Variants in GORASP2 observed in about 807,000 individuals in gnomAD.
GORASP2 encodes golgi reassembly stacking protein 2.
Under a neutral mutation model 45.7 loss-of-function variants are expected in GORASP2, and 22 were observed. The ratio of observed to expected loss-of-function variants is 0.48; its 90% CI spans 0.34 to 0.69. The LOEUF (loss-of-function observed/expected upper bound fraction) is 0.69, where lower values mean the gene tolerates loss of function less well. GORASP2 is among the 30% of genes least tolerant of loss of function. GORASP2 has a pLI of 0.01. For synonymous variants in GORASP2, 221 were observed against 215.6 expected (o/e 1.02, Z -0.22); for missense variants, 491 against 562.7 (o/e 0.87, Z 1.29).
chr2:170,954,804 A>C lies in GORASP2; in HGVS notation c.699+22A>C, dbSNP rs755303761. 3 of 1,591,218 alleles carry C rather than the reference A, an allele frequency of 1.9e-6. No homozygotes were observed. The Admixed American group carries it at 5.2e-5, about 28-fold the overall frequency. ...AGAGGTAAGATCACGTTCCTACCTG[A>C]GTATATCATAAAGTTTTTACCAAAA... On this transcript the variant is annotated intron_variant, in intron 6 of 9. Transcript: ENST00000234160.
chr2:170,932,451 G>A (rs1279230404), intron 1 of GORASP2, among the ~76,000 whole-genome samples: 7 of 152,246 alleles, frequency 4.6e-5, no homozygotes, highest in Admixed American at 3.9e-4. Context: ...TGAACATTTG[G>A]TTATCTAGTC....
In GORASP2 at chr2:170,962,833, CTT is replaced by C. The variant is rs747361234; in HGVS notation, c.911-5_911-4del. 1.6e-5 allele frequency: 26 copies of C among 1,595,516 alleles called. No individual in the cohort carries two copies. The East Asian group carries it at 2.2e-4, about 14-fold the overall frequency. On this transcript the variant is annotated splice_polypyrimidine_tract_variant and splice_region_variant and intron_variant, in intron 8 of 9. Coordinates refer to ENST00000234160, the MANE Select transcript of GORASP2 (RefSeq NM_015530.5). ...TCTCTTTTTTTCTTTTCTGCCTTCT[CTT>C]CAGGTCTGATGCCTTTACCAGCAGG... is the stretch of plus-strand genomic sequence containing the variant.
At chr2:170,929,567 T>C in intron 1 of GORASP2, 164 bp downstream of exon 1, 1 of 602,052 alleles carries the variant, frequency 1.7e-6, no homozygotes, top group South Asian at 2.2e-5. Context: ...CGGAGGCCGC[T>C]CGCATCCCAC....
chr2:170,942,096 A>G (rs1226535794), intron 1 of GORASP2, among the ~76,000 whole-genome samples: 1 of 152,206 alleles, frequency 6.6e-6, no homozygotes, highest in Non-Finnish European at 1.5e-5. Flanking sequence ...CTTGATGACC[A>G]TTGAAGTTGA....
At chr2:170,956,344 T>C in intron 6 of GORASP2, 92 bp from the exon 7 acceptor site, 3 of 1,141,684 alleles carry the variant, frequency 2.6e-6, no homozygotes, top group Non-Finnish European at 3.7e-6. Flanking sequence ...GTGAACCAAA[T>C]ATCTATCTGC....
intron 1 of GORASP2, among the ~76,000 whole-genome samples, chr2:170,939,110 A>G (rs71415231): frequency 0.21 from 31,321 of 152,220 alleles, 3,895 homozygotes; most frequent in Non-Finnish European, 0.29. Flanking sequence ...ATGAGTTCAG[A>G]AGTTGTCAGA....
At chr2:170,936,685 G>A (rs1184546703) in intron 1 of GORASP2, 1 of 1,276,850 alleles carries the variant, frequency 7.8e-7, no homozygotes. Context: ...CGGGCATAAT[G>A]GTGTGCACCT....
At chr2:170,964,238 C>G (rs1056922331) in intron 9 of GORASP2, among the ~76,000 whole-genome samples, 2 of 152,226 alleles carry the variant, frequency 1.3e-5, no homozygotes, top group African/African-American at 4.8e-5. Context: ...AATGATCTTA[C>G]AGCACCATGG....
At chr2:170,963,425 C>G (rs890445297) in intron 9 of GORASP2, among the ~76,000 whole-genome samples, 1 of 146,590 alleles carries the variant, frequency 6.8e-6, no homozygotes, top group African/African-American at 2.7e-5. Flanking sequence ...TCTCAGTCCC[C>G]GCTGCTACTG....
chr2:170,957,019 T>C (rs1315990979), intron 7 of GORASP2, among the ~76,000 whole-genome samples: 2 of 152,254 alleles, frequency 1.3e-5, no homozygotes, highest in East Asian at 3.8e-4. Context: ...AGGTCCTGGC[T>C]GTGAAAGCTT....
At position 170,944,196 on chromosome 2, in the gene GORASP2, C is replaced by G. The variant is rs568220096; in HGVS notation, c.64-4154C>G. Among the ~76,000 whole-genome samples the G allele has an allele frequency of 2.0e-5, 3 of 152,208 alleles. No individual in the cohort carries two copies. The East Asian group carries it at 5.8e-4, about 29-fold the overall frequency. The stretch of plus-strand genomic sequence containing the variant: ...TTGAGAGATTACGTGCCAGGAGATT[C>G]TTGTCAGTGGATAACATTGCAAGAG... On this transcript the variant is annotated intron_variant, in intron 1 of 9. Coordinates refer to ENST00000234160, the MANE Select transcript of GORASP2 (RefSeq NM_015530.5).
At chr2:170,945,383 T>C (rs1033552918) in intron 1 of GORASP2, among the ~76,000 whole-genome samples, 3 of 150,980 alleles carry the variant, frequency 2.0e-5, no homozygotes, top group Admixed American at 6.6e-5. Flanking sequence ...CTAGAAAAAA[T>C]TTAAAAATTA....
chr2:170,961,415 CTGG>C (rs201759069), intron 7 of GORASP2, among the ~76,000 whole-genome samples: 4,975 of 152,222 alleles, frequency 0.033, 283 homozygotes, highest in African/African-American at 0.11. Flanking sequence ...GTGAGCTGGG[CTGG>C]GGTGGGACTG....
chr2:170,956,787 A>G (rs1475318308), intron 7 of GORASP2, among the ~76,000 whole-genome samples: 8 of 151,908 alleles, frequency 5.3e-5, no homozygotes, highest in African/African-American at 1.9e-4. Flanking sequence ...GGTGGTGTGC[A>G]CCTGTAGTCC....
chr2:170,944,436 G>A (rs1166540111), intron 1 of GORASP2, among the ~76,000 whole-genome samples: 1 of 152,126 alleles, frequency 6.6e-6, no homozygotes. Flanking sequence ...TTAATTTCAA[G>A]GGCCATTAGA....
chr2:170,942,275 G>A (rs188726307), intron 1 of GORASP2, among the ~76,000 whole-genome samples: 3 of 152,186 alleles, frequency 2.0e-5, no homozygotes, highest in African/African-American at 7.2e-5. Flanking sequence ...ACAGTTTGGT[G>A]GGTTTTTAGT....
At chr2:170,963,348 C>T (rs1202536490) in intron 9 of GORASP2, among the ~76,000 whole-genome samples, 1 of 146,154 alleles carries the variant, frequency 6.8e-6, no homozygotes, top group Non-Finnish European at 1.5e-5. Flanking sequence ...GCACTCCAGC[C>T]TGGGCAACAG....
intron 1 of GORASP2, among the ~76,000 whole-genome samples, chr2:170,942,183 T>C (rs1260185299): frequency 2.0e-5 from 3 of 152,220 alleles, no homozygotes; most frequent in Non-Finnish European, 4.4e-5. Flanking sequence ...TCCATTTCTC[T>C]ATTGGGTTGT....
chr2:170,956,602 ATAT>A, intron 7 of GORASP2, 43 bp downstream of exon 7: 1 of 1,521,370 alleles, frequency 6.6e-7, no homozygotes, highest in Non-Finnish European at 8.9e-7. Context: ...ATTTTATGTA[ATAT>A]TATTGCATAG....
Sources: allele counts gnomAD v4.1 joint callset (sites outside exome capture counted in the v4.1 genomes callset), GRCh38; gene constraint gnomAD v4.1.1; transcripts MANE v1.5; gene names NCBI Gene and HGNC (gene_info 2026-07-23, HGNC 2026-07-21).